The following PRR5 variants were observed in gnomAD, a reference collection of about 807,000 sequenced individuals.
The protein encoded by PRR5 is proline-rich protein 5.
In PRR5, 25 loss-of-function variants were observed where a neutral mutation model predicts 30.6. The ratio of observed to expected loss-of-function variants is 0.82; its 90% CI spans 0.60 to 1.14. The LOEUF (loss-of-function observed/expected upper bound fraction) is 1.14, where lower values mean the gene tolerates loss of function less well. Ranked by LOEUF, PRR5 falls within the 50% of genes most tolerant of loss-of-function variation. PRR5 has a pLI of 0.00. For missense variants in PRR5, 600 were observed against 547.1 expected, an observed-to-expected ratio of 1.10 and a Z score of -0.96; for synonymous variants, 286 against 247.1, an observed-to-expected ratio of 1.16 and a Z score of -1.48.
chr22:44,691,983 A>C lies in PRR5; in HGVS notation c.-10-10509A>C, dbSNP rs117683202. Among the ~76,000 whole-genome samples the C allele has an allele frequency of 4.3e-4, 65 of 152,154 alleles. 1 individual carries two copies. In the East Asian group the frequency reaches 0.011, roughly 27 times the overall value. On this transcript the variant is annotated intron_variant, in intron 1 of 8. Transcript: ENST00000006251. The surrounding 1 kb of genome is among the most constrained non-coding windows in gnomAD (Gnocchi z 4.4). ...ATTGATGCCATCAGGAACGCGGGCC[A>C]AGTTTTGATGGGCTGTTTCCTGCCT...
At chr22:44,726,669 A>G in intron 4 of PRR5, 35 bp downstream of exon 4, 3 of 1,613,804 alleles carry the variant, frequency 1.9e-6, no homozygotes, top group African/African-American at 1.3e-5. Flanking sequence ...ACTCTGGGCC[A>G]TGCTGGGTCC....
chr22:44,714,098 C>T (rs755809990), intron 1 of PRR5, among the ~76,000 whole-genome samples: 3 of 149,790 alleles, frequency 2.0e-5, no homozygotes, highest in Non-Finnish European at 4.4e-5. Context: ...CCACCGCGCC[C>T]GGCAGCCTTA....
chr22:44,704,103 G>A (rs1926807401), intron 1 of PRR5, among the ~76,000 whole-genome samples: 1 of 152,158 alleles, frequency 6.6e-6, no homozygotes. Flanking sequence ...CTGTTGTAGG[G>A]ATGAAATTTG....
At chr22:44,672,581 G>A (rs976210361), upstream of PRR5, among the ~76,000 whole-genome samples, 5 of 152,282 alleles carry the variant, frequency 3.3e-5, no homozygotes, top group Admixed American at 1.3e-4. Flanking sequence ...GCGAGACACC[G>A]TCTCTAAATA....
At chr22:44,671,804 T>A (rs1364727339) in intron 1 of PRR5, among the ~76,000 whole-genome samples, 1 of 152,198 alleles carries the variant, frequency 6.6e-6, no homozygotes, top group African/African-American at 2.4e-5. Flanking sequence ...TACCTCCACT[T>A]CTTCATCAAT....
rs866656337 is a variant in PRR5 at position 44,694,941 on chromosome 22, C to T, written c.-10-7551C>T. 7.2e-5 allele frequency among the ~76,000 whole-genome samples: 11 copies of T among 152,196 alleles called. No homozygotes were observed. In the Middle Eastern group the frequency reaches 0.01, roughly 141 times the overall value. Reference sequence around the variant, plus strand: ...ATCCTAGCACTTTGAGAGGCTGAGACGGGCTGATCACTTGAGGTCCGGAGT... The same window carrying T: ...ATCCTAGCACTTTGAGAGGCTGAGATGGGCTGATCACTTGAGGTCCGGAGT... On this transcript the variant is annotated intron_variant, in intron 1 of 8. Transcript: ENST00000006251.
At position 44,731,714 on chromosome 22, in the gene PRR5, G is replaced by GC; in HGVS notation, c.323-11dup. 1 of 1,613,258 alleles carries GC rather than the reference G, an allele frequency of 6.2e-7. No homozygotes were observed. Among genetic ancestry groups the GC allele is most frequent in the Non-Finnish European group, 8.5e-7 (1 of 1,179,670 alleles). ...GCGCCAGTCAGGCCCAGTGGTGATG[G>GC]CCCCCATGCCCACAGGACAGAAGCT... On this transcript the variant is annotated splice_polypyrimidine_tract_variant and intron_variant, in intron 4 of 7. Transcript: ENST00000336985.
At chr22:44,726,731 G>A in intron 4 of PRR5, 97 bp downstream of exon 4, 5 of 1,577,428 alleles carry the variant, frequency 3.2e-6, no homozygotes, top group Middle Eastern at 1.7e-4. Flanking sequence ...TGGGTGCAAG[G>A]TGTGGCTCTC....
At chr22:44,675,882 A>G (rs1250078742), upstream of PRR5, among the ~76,000 whole-genome samples, 4 of 151,686 alleles carry the variant, frequency 2.6e-5, no homozygotes, top group Admixed American at 2.0e-4. Context: ...ACTCCTAGCC[A>G]CGATCAGTCA....
upstream of PRR5, among the ~76,000 whole-genome samples, chr22:44,674,606 A>T (rs1160700573): frequency 2.6e-5 from 4 of 152,072 alleles, no homozygotes; most frequent in East Asian, 7.7e-4. Flanking sequence ...CTGTAGTCCC[A>T]GCTACTAGGG....
chr22:44,688,752 C>T (rs1158483532), intron 1 of PRR5, among the ~76,000 whole-genome samples: 11 of 152,090 alleles, frequency 7.2e-5, no homozygotes, highest in Admixed American at 7.2e-4. Flanking sequence ...TTTTGGGAGG[C>T]CGAGGCAGGC....
intron 6 of PRR5, 76 bp downstream of exon 6, chr22:44,732,467 A>G: frequency 6.5e-7 from 1 of 1,542,100 alleles, no homozygotes; most frequent in South Asian, 1.2e-5. Context: ...CAGGCAGAGC[A>G]TGAGATGAGG....
At chr22:44,676,017 C>A (rs990463810), upstream of PRR5, among the ~76,000 whole-genome samples, 5 of 151,794 alleles carry the variant, frequency 3.3e-5, no homozygotes, top group Non-Finnish European at 7.4e-5. Context: ...GGATCCTTAG[C>A]TCCATTGTAG....
rs1923330057 is a variant in PRR5 at position 44,669,965 on chromosome 22, C to T, written c.-11+1160C>T. ...GGGCTCTCCAAGTGAGGTCCTGGAC[C>T]CCCAGATCATCCTCCTTGATGACAG... On this transcript the variant is annotated intron_variant, in intron 1 of 8. Coordinates refer to the PRR5 transcript ENST00000432186. 4.6e-5 allele frequency among the ~76,000 whole-genome samples: 7 copies of T among 152,112 alleles called. No homozygotes were observed. In the South Asian group the frequency reaches 1.2e-3, roughly 27 times the overall value.
At chr22:44,733,749 A>C (rs548755566) in intron 6 of PRR5, among the ~76,000 whole-genome samples, 1 of 152,264 alleles carries the variant, frequency 6.6e-6, no homozygotes, top group South Asian at 2.1e-4. Context: ...GTGTTAGTGT[A>C]GGTGACCTTA....
chr22:44,732,792 A>G (rs894152996), intron 6 of PRR5, among the ~76,000 whole-genome samples: 9 of 109,734 alleles, frequency 8.2e-5, no homozygotes, highest in African/African-American at 3.7e-4. Context: ...CGCACATACT[A>G]CATGTGCACA....
chr22:44,724,670 G>C (rs779862948), intron 2 of PRR5, among the ~76,000 whole-genome samples: 1 of 152,170 alleles, frequency 6.6e-6, no homozygotes, highest in Non-Finnish European at 1.5e-5. Flanking sequence ...TGGAGGTTCA[G>C]ATCTCAGCTC....
intron 1 of PRR5, among the ~76,000 whole-genome samples, chr22:44,695,348 T>C (rs1376383976): frequency 6.6e-6 from 1 of 152,174 alleles, no homozygotes; most frequent in South Asian, 2.1e-4. Flanking sequence ...ATAATTGTTT[T>C]GAGATAATTG....
chr22:44,727,204 A>G (rs2269571), intron 4 of PRR5, among the ~76,000 whole-genome samples: 43,875 of 152,006 alleles, frequency 0.29, 6,838 homozygotes, highest in South Asian at 0.48. Context: ...TTTAGGGCAC[A>G]CACCCTTTGC....
Sources: allele counts gnomAD v4.1 joint callset (sites outside exome capture counted in the v4.1 genomes callset), GRCh38; gene constraint gnomAD v4.1.1; non-coding constraint Gnocchi (gnomAD v3.1); transcripts MANE v1.5; gene names NCBI Gene and HGNC (gene_info 2026-07-23, HGNC 2026-07-21).